The following MTUS2 variants were observed in gnomAD, a reference collection of about 807,000 sequenced individuals.
MTUS2 encodes the protein microtubule associated scaffold protein 2.
Under a neutral mutation model 114.1 loss-of-function variants are expected in MTUS2, and 40 were observed. That is an observed-to-expected ratio of 0.35 (90% CI 0.27 to 0.46). The LOEUF (loss-of-function observed/expected upper bound fraction) is 0.46, where lower values mean the gene tolerates loss of function less well. Among genes scored for constraint, MTUS2 ranks in the 20% least tolerant of loss-of-function variants. The pLI is 1.00. For missense variants in MTUS2, 1,679 were observed against 1,705.4 expected (o/e 0.98, Z 0.27); for synonymous variants, 688 against 672.0 (o/e 1.02, Z -0.37).
intron 4 of MTUS2, among the ~76,000 whole-genome samples, chr13:29,088,939 T>A (rs1391703217): frequency 1.3e-5 from 2 of 152,194 alleles, no homozygotes; most frequent in South Asian, 2.1e-4. Context: ...TTAGATGAGA[T>A]GTTTAATCCA....
At chr13:29,099,237 G>GT (rs1890308217) in intron 4 of MTUS2, among the ~76,000 whole-genome samples, 1 of 152,202 alleles carries the variant, frequency 6.6e-6, no homozygotes. Flanking sequence ...TTGAGGTTTT[G>GT]TTTTTTGTTT....
chr13:29,032,246 A>G (rs1886862884), intron 3 of MTUS2, among the ~76,000 whole-genome samples: 1 of 152,240 alleles, frequency 6.6e-6, no homozygotes, highest in Non-Finnish European at 1.5e-5. Flanking sequence ...ACAAAATGAC[A>G]GGCATTGAAG....
intron 8 of MTUS2, among the ~76,000 whole-genome samples, chr13:29,380,382 A>G (rs12583166): frequency 1.3e-5 from 2 of 152,176 alleles, no homozygotes; most frequent in Admixed American, 6.5e-5. Flanking sequence ...TTGAAGCAAC[A>G]TATGTAAACA....
rs574723069 is a variant in MTUS2, at chr13:29,445,739, C to A, written c.3184+5690C>A. Among the ~76,000 whole-genome samples the A allele has an allele frequency of 3.0e-4, 44 of 149,142 alleles. No individual in the cohort carries two copies. In the South Asian group the frequency reaches 4.4e-3, roughly 15 times the overall value. On this transcript the variant is annotated intron_variant, in intron 9 of 15. Coordinates refer to ENST00000612955, the MANE Select transcript of MTUS2 (RefSeq NM_001033602.4). ...CTGGCCATGGCGAACCCCATCTCTA[C>A]TAAAAATACAAAAAAAAAATTAGCC...
At chr13:29,435,823 A>G (rs1300878989) in intron 8 of MTUS2, among the ~76,000 whole-genome samples, 1 of 152,260 alleles carries the variant, frequency 6.6e-6, no homozygotes, top group Non-Finnish European at 1.5e-5. Flanking sequence ...GGCTGTCGCC[A>G]AACTGCGCAG....
intron 8 of MTUS2, among the ~76,000 whole-genome samples, chr13:29,409,790 C>T (rs576832027): frequency 1.3e-5 from 2 of 148,722 alleles, no homozygotes; most frequent in African/African-American, 4.9e-5. Context: ...ACATTTTCTT[C>T]ATTCGTCTTT....
rs1323794995 is a variant in MTUS2 at position 29,033,894 on chromosome 13, C to A, written c.2215C>A (p.His739Asn). Residue 739 changes from histidine to asparagine, a missense_variant, in exon 4 of 16, where the codon CAC (histidine) becomes AAC (asparagine). Physicochemically the swap from His to Asn is moderately conservative, Grantham distance 68. This residue lies in a region of MTUS2 where 822 missense variants were observed against 899.7 expected (regional missense o/e 0.91). Coordinates refer to ENST00000612955, the MANE Select transcript of MTUS2 (RefSeq NM_001033602.4). Reference protein sequence around the residue: ...SEKFLQEVTDHPGKEEFCSPP... With the variant: ...SEKFLQEVTDNPGKEEFCSPP... ...TGTTCATTTATCATAGGTTACAGAC[C>A]ACCCTGGAAAAGAAGAGTTTTGTTC... The A allele has an allele frequency of 2.5e-6, 4 of 1,613,696 alleles. No individual in the cohort carries two copies. In the African/African-American group the frequency reaches 4.0e-5, roughly 16 times the overall value.
At chr13:29,173,374 T>C (rs1169735854) in intron 5 of MTUS2, among the ~76,000 whole-genome samples, 4 of 152,162 alleles carry the variant, frequency 2.6e-5, no homozygotes, top group African/African-American at 9.7e-5. Flanking sequence ...TGTTTTCTCT[T>C]TAGGTCTAAA....
At chr13:29,163,932 C>T (rs751524810) in intron 5 of MTUS2, among the ~76,000 whole-genome samples, 6 of 152,124 alleles carry the variant, frequency 3.9e-5, no homozygotes, top group Non-Finnish European at 8.8e-5. Context: ...GACCCCTTTG[C>T]TTGACCTTGC....
In MTUS2 at chr13:28,956,083, C is replaced by T. The variant is rs144184086; in HGVS notation, c.-242-68374C>T. On this transcript the variant is annotated intron_variant, in intron 2 of 15. Coordinates refer to ENST00000612955, the MANE Select transcript of MTUS2 (RefSeq NM_001033602.4). ...CCCCCCATCCTTTCCCCCAAGTCCCCAAAGTCCATTCTGTCATTCTTATGC... is the reference window on the plus strand; with the variant it reads ...CCCCCCATCCTTTCCCCCAAGTCCCTAAAGTCCATTCTGTCATTCTTATGC... Among the ~76,000 whole-genome samples, 966 of 147,390 alleles carry T rather than the reference C, an allele frequency of 6.6e-3. 10 individuals carry two copies. The highest frequency in any genetic ancestry group is 0.023 in the African/African-American group (902 of 39,628).
intron 1 of MTUS2, among the ~76,000 whole-genome samples, chr13:28,821,372 TGAC>T (rs1281668009): frequency 6.6e-6 from 1 of 152,246 alleles, no homozygotes; most frequent in Non-Finnish European, 1.5e-5. Context: ...GAGAATTCTT[TGAC>T]TACTTATTGA....
At chr13:28,928,023 G>A (rs1450201236) in intron 2 of MTUS2, among the ~76,000 whole-genome samples, 1 of 152,040 alleles carries the variant, frequency 6.6e-6, no homozygotes, top group Non-Finnish European at 1.5e-5. Flanking sequence ...GAAATAAATG[G>A]TGCTGGGAAA....
intron 5 of MTUS2, among the ~76,000 whole-genome samples, chr13:29,271,609 T>C (rs1897883700): frequency 6.6e-6 from 1 of 152,210 alleles, no homozygotes; most frequent in African/African-American, 2.4e-5. Flanking sequence ...TTGGAGTTTG[T>C]GTTTCTGTCT....
rs546906809 is a variant in MTUS2 at position 29,013,007 on chromosome 13, A to G, written c.-242-11450A>G. 2.0e-5 allele frequency among the ~76,000 whole-genome samples: 3 copies of G among 152,332 alleles called. No individual in the cohort carries two copies. The South Asian group carries it at 6.2e-4, about 32-fold the overall frequency. Reference sequence around the variant, plus strand: ...AGGGAAAAGTGTGTGCCCTGCAAACATACACTTGAATTCCATTTTTAAAAG... The same window carrying G: ...AGGGAAAAGTGTGTGCCCTGCAAACGTACACTTGAATTCCATTTTTAAAAG... On this transcript the variant is annotated intron_variant, in intron 2 of 15. Coordinates refer to ENST00000612955, the MANE Select transcript of MTUS2 (RefSeq NM_001033602.4).
At chr13:28,833,470 T>A (rs1337217903) in intron 1 of MTUS2, among the ~76,000 whole-genome samples, 1 of 152,026 alleles carries the variant, frequency 6.6e-6, no homozygotes, top group East Asian at 1.9e-4. Context: ...CATAATCATC[T>A]TAATAGAAAC....
chr13:29,139,604 C>G (rs1246053616), intron 5 of MTUS2, among the ~76,000 whole-genome samples: 2 of 151,982 alleles, frequency 1.3e-5, no homozygotes, highest in Non-Finnish European at 2.9e-5. Flanking sequence ...GAATTTTGTA[C>G]CCTTTTACTA....
intron 1 of MTUS2, among the ~76,000 whole-genome samples, chr13:28,836,617 G>C (rs1398710389): frequency 6.6e-6 from 1 of 152,158 alleles, no homozygotes; most frequent in Non-Finnish European, 1.5e-5. Flanking sequence ...TGGTCAGGAA[G>C]GGCTTTGCAA....
At chr13:29,121,681 A>C in intron 5 of MTUS2, among the ~76,000 whole-genome samples, 1 of 149,386 alleles carries the variant, frequency 6.7e-6, no homozygotes. Flanking sequence ...TTTGATACAG[A>C]GCTTTGCTCT....
chr13:29,067,328 A>G (rs1888709501), intron 4 of MTUS2, among the ~76,000 whole-genome samples: 1 of 152,110 alleles, frequency 6.6e-6, no homozygotes, highest in Non-Finnish European at 1.5e-5. Context: ...CCAGCAAGAG[A>G]CAGAACACTG....
Sources: gnomAD v4.1 joint callset for allele counts (sites outside exome capture counted in the v4.1 genomes callset) on GRCh38, gnomAD v4.1.1 for gene constraint, gnomAD v4.1.1 regional missense constraint, MANE v1.5 for transcripts, NCBI Gene and HGNC (gene_info 2026-07-23, HGNC 2026-07-21) for gene names.